EPHB1: variants seen among roughly 807,000 people sequenced by gnomAD.
The protein encoded by EPHB1 is EPH receptor B1.
EPHB1 carries 30 observed loss-of-function variants against 94.4 expected under a neutral mutation model. That is an observed-to-expected ratio of 0.32 (90% confidence interval 0.24 to 0.43). The LOEUF (loss-of-function observed/expected upper bound fraction) is 0.43, where lower values mean the gene tolerates loss of function less well. EPHB1 is among the 20% of genes least tolerant of loss of function. The pLI, the probability that EPHB1 is intolerant of heterozygous loss-of-function variation, is 1.00. For synonymous variants in EPHB1, 522 were observed against 489.1 expected (o/e 1.07, Z -0.89); for missense variants, 1,055 against 1,308.3 (o/e 0.81, Z 2.99).
At chr3:134,837,387 T>C (rs997967566) in intron 1 of EPHB1, among the ~76,000 whole-genome samples, 1 of 152,254 alleles carries the variant, frequency 6.6e-6, no homozygotes, top group Non-Finnish European at 1.5e-5. Flanking sequence ...ATCCAGTTTA[T>C]TGTCAAAGAA....
At chr3:134,974,255 C>G (rs1218407858) in intron 3 of EPHB1, among the ~76,000 whole-genome samples, 1 of 152,172 alleles carries the variant, frequency 6.6e-6, no homozygotes, top group Non-Finnish European at 1.5e-5. Context: ...AACACACACA[C>G]ATACACACAC....
At chr3:134,880,050 G>T (rs1285333752) in intron 1 of EPHB1, among the ~76,000 whole-genome samples, 3 of 152,194 alleles carry the variant, frequency 2.0e-5, no homozygotes, top group Non-Finnish European at 4.4e-5. Flanking sequence ...CCCTGATGCT[G>T]CACTTTCCTC....
At chr3:135,024,467 A>T (rs565199667) in intron 3 of EPHB1, among the ~76,000 whole-genome samples, 2 of 152,066 alleles carry the variant, frequency 1.3e-5, no homozygotes, top group South Asian at 4.1e-4. Context: ...CCTTTCAACC[A>T]CGTGGTTTAG....
intron 6 of EPHB1, among the ~76,000 whole-genome samples, chr3:135,156,205 C>G (rs2107695963): frequency 6.6e-6 from 1 of 151,882 alleles, no homozygotes; most frequent in East Asian, 2.0e-4. Context: ...AATGGCCAAG[C>G]AGAGATGTGA....
At position 135,112,912 on chromosome 3, in the gene EPHB1, G is replaced by T. The variant is rs964966977; in HGVS notation, c.961+6309G>T. 6.6e-5 allele frequency among the ~76,000 whole-genome samples: 10 copies of T among 152,222 alleles called. 1 individual carries two copies. Among genetic ancestry groups the T allele is most frequent in the East Asian group, 1.9e-4 (1 of 5,176 alleles). Reference sequence around the variant, plus strand: ...AGGGCTTGCAAAATGGTAAAAGAAGGCTGCTTTGCTCCAGCTGAGCTTTAC... The same window carrying T: ...AGGGCTTGCAAAATGGTAAAAGAAGTCTGCTTTGCTCCAGCTGAGCTTTAC... On this transcript the variant is annotated intron_variant, in intron 4 of 15. Coordinates refer to ENST00000398015, the MANE Select transcript of EPHB1 (RefSeq NM_004441.5).
chr3:135,201,989 G>A (rs1942769515), intron 12 of EPHB1, among the ~76,000 whole-genome samples: 1 of 152,074 alleles, frequency 6.6e-6, no homozygotes, highest in African/African-American at 2.4e-5. Context: ...AATCCAAGCA[G>A]GTAGACACTG....
rs771555643 is a variant in EPHB1 at position 135,162,138 on chromosome 3, G to T, written c.1543G>T (p.Gly515Cys). 1 of 1,610,914 alleles carries T rather than the reference G, an allele frequency of 6.2e-7. No homozygotes were observed. Among genetic ancestry groups the T allele is most frequent in the African/African-American group, 1.3e-5 (1 of 74,804 alleles). Residue 515 changes from glycine (G) to cysteine (C), a missense_variant, in exon 7 of 16, where the codon GGC becomes TGC. By Grantham distance (159) the Gly-to-Cys change is radical. Transcript: ENST00000398015. Reference protein sequence around the residue: ...QVRARTVAGYGKFSGKMCFQT... With the variant: ...QVRARTVAGYCKFSGKMCFQT... The stretch of plus-strand genomic sequence containing the variant: ...GCGTGCCCGCACTGTTGCTGGCTAC[G>T]GCAAGTTCAGTGGCAAGATGTGCTT...
chr3:135,144,409 C>T (rs2107691465), intron 5 of EPHB1, among the ~76,000 whole-genome samples: 2 of 152,338 alleles, frequency 1.3e-5, no homozygotes, highest in Middle Eastern at 6.8e-3. Context: ...GCTGGGCCCA[C>T]ACCCAGAGTT....
chr3:135,037,464 T>A (rs1452253206), intron 3 of EPHB1, among the ~76,000 whole-genome samples: 1 of 152,174 alleles, frequency 6.6e-6, no homozygotes, highest in Admixed American at 6.5e-5. Flanking sequence ...CTTTTAAAGG[T>A]CACTAGCATT....
At chr3:135,001,458 G>A (rs1426088261) in intron 3 of EPHB1, among the ~76,000 whole-genome samples, 2 of 152,118 alleles carry the variant, frequency 1.3e-5, no homozygotes, top group African/African-American at 4.8e-5. Context: ...CCTGCTGCTG[G>A]ACCCATGACC....
chr3:135,109,384 A>T (rs1472563106), intron 4 of EPHB1, among the ~76,000 whole-genome samples: 1 of 152,218 alleles, frequency 6.6e-6, no homozygotes, highest in African/African-American at 2.4e-5. Flanking sequence ...CGACTTCATA[A>T]TAATGTATGC....
chr3:134,799,690 C>T (rs1292624428), intron 1 of EPHB1, among the ~76,000 whole-genome samples: 3 of 152,184 alleles, frequency 2.0e-5, no homozygotes, highest in African/African-American at 4.8e-5. Context: ...ACACAGTGTC[C>T]GGCTCCAGCC....
chr3:135,178,153 T>G (rs1339465565), intron 9 of EPHB1, among the ~76,000 whole-genome samples: 1 of 149,126 alleles, frequency 6.7e-6, no homozygotes, highest in Non-Finnish European at 1.5e-5. Flanking sequence ...CCTCCTTATC[T>G]TAAAAAATAA....
At chr3:135,192,176 C>T (rs776181448) in intron 10 of EPHB1, among the ~76,000 whole-genome samples, 1 of 152,202 alleles carries the variant, frequency 6.6e-6, no homozygotes, top group Non-Finnish European at 1.5e-5. Flanking sequence ...CTGAACATGT[C>T]TCCTATCCCC....
At chr3:135,220,020 A>T (rs1177005773) in intron 12 of EPHB1, among the ~76,000 whole-genome samples, 1 of 149,724 alleles carries the variant, frequency 6.7e-6, no homozygotes, top group Admixed American at 6.7e-5. Flanking sequence ...CTCCAAGAGT[A>T]CACAGGCAAG....
Position 135,132,810 on chromosome 3 carries a change from A to T in EPHB1, c.1058A>T (p.Asp353Val), listed in dbSNP as rs1275902419. The T allele has an allele frequency of 6.2e-7, 1 of 1,613,886 alleles. No homozygotes were observed. The highest frequency in any genetic ancestry group is 8.5e-7 in the Non-Finnish European group (1 of 1,179,886). Residue 353 changes from aspartate to valine, a missense_variant, in exon 5 of 16, where the codon GAT becomes GTT. Coordinates refer to ENST00000398015, the MANE Select transcript of EPHB1 (RefSeq NM_004441.5). ...CCAAGGGAGACAGGTGGGCGGGATG[A>T]TGTGACCTACAACATCATCTGCAAA... The part of the protein sequence containing the change: ...HPPRETGGRD[D>V]VTYNIICKKC...
chr3:134,907,856 T>A (rs1269263469), intron 1 of EPHB1, among the ~76,000 whole-genome samples: 1 of 152,220 alleles, frequency 6.6e-6, no homozygotes, highest in Admixed American at 6.5e-5. Flanking sequence ...TATGTCAGTG[T>A]TTGCCCCACA....
chr3:135,082,326 C>G (rs773179505), intron 3 of EPHB1, among the ~76,000 whole-genome samples: 2 of 152,222 alleles, frequency 1.3e-5, no homozygotes, highest in Non-Finnish European at 2.9e-5. Flanking sequence ...ACAGGCTGTG[C>G]TCTCAGAAGA....
chr3:134,854,669 C>A (rs1055547978), intron 1 of EPHB1, among the ~76,000 whole-genome samples: 12 of 152,090 alleles, frequency 7.9e-5, no homozygotes, highest in Non-Finnish European at 5.9e-5. Context: ...GACCCCGTGA[C>A]CCGTGTAACT....
Sources: gnomAD v4.1 joint callset for allele counts (sites outside exome capture counted in the v4.1 genomes callset) on GRCh38, gnomAD v4.1.1 for gene constraint, MANE v1.5 for transcripts, NCBI Gene and HGNC (gene_info 2026-07-23, HGNC 2026-07-21) for gene names.